ZNF438: variants seen among roughly 807,000 people sequenced by gnomAD.
ZNF438 encodes zinc finger protein 438.
A neutral mutation model predicts 38.0 loss-of-function variants in ZNF438; 25 were observed. The ratio of observed to expected loss-of-function variants is 0.66; its 90% CI spans 0.48 to 0.92. The LOEUF (loss-of-function observed/expected upper bound fraction) is 0.92, where lower values mean the gene tolerates loss of function less well. ZNF438 is among the 40% of genes least tolerant of loss of function. The pLI is 0.00. For synonymous variants in ZNF438, 372 were observed against 364.1 expected (o/e 1.02, Z -0.25); for missense variants, 1,007 against 999.6 (o/e 1.01, Z -0.10).
chr10:30,901,998 A>C (rs544501027), intron 3 of ZNF438, among the ~76,000 whole-genome samples: 3 of 147,860 alleles, frequency 2.0e-5, no homozygotes, highest in African/African-American at 7.4e-5. Context: ...GGCTGGCTTT[A>C]GGAGTGAAGC....
chr10:30,987,111 T>C lies in ZNF438; in HGVS notation c.-192+44722A>G, dbSNP rs372641340. ...AACTGAATCCACAAAAGATGTGACA[T>C]TCTACCAATTAAAATTTACAAACGT... is the stretch of plus-strand genomic sequence containing the variant. On this transcript the variant is annotated intron_variant, in intron 1 of 5. Transcript: ENST00000413025. Among the ~76,000 whole-genome samples the C allele has an allele frequency of 3.1e-4, 47 of 152,178 alleles. 1 individual carries two copies. Among genetic ancestry groups the C allele is most frequent in the African/African-American group, 1.1e-3 (44 of 41,510 alleles).
rs563189482 is a variant in ZNF438, at chr10:31,010,892, G to GAAAAAA, written c.-192+20935_-192+20940dup. Among the ~76,000 whole-genome samples the GAAAAAA allele has an allele frequency of 1.1e-3, 101 of 92,578 alleles. 14 individuals carry two copies. Among genetic ancestry groups the GAAAAAA allele is most frequent in the African/African-American group, 5.1e-3 (95 of 18,702 alleles). 60.7% of individuals were successfully genotyped at this position (92,578 alleles called of 152,430 possible). ...TGGATAACGAAGTGAGACCCTGTTTGAAAAAAAAAAAAAAAAAAAAAAAAA... is the reference window on the plus strand; with the variant it reads ...TGGATAACGAAGTGAGACCCTGTTTGAAAAAAAAAAAAAAAAAAAAAAAAAAAAAAA... On this transcript the variant is annotated intron_variant, in intron 1 of 5. Transcript: ENST00000413025.
At chr10:30,982,777 T>C (rs2052356074) in intron 1 of ZNF438, among the ~76,000 whole-genome samples, 1 of 152,226 alleles carries the variant, frequency 6.6e-6, no homozygotes, top group East Asian at 1.9e-4. Context: ...AGTTTCCTTC[T>C]TATAAGTCTT....
At chr10:30,981,861 G>A (rs2052195434) in intron 1 of ZNF438, among the ~76,000 whole-genome samples, 2 of 149,022 alleles carry the variant, frequency 1.3e-5, no homozygotes, top group African/African-American at 5.0e-5. Context: ...ATGGGTGACA[G>A]AGCGAGACTC....
intron 3 of ZNF438, among the ~76,000 whole-genome samples, chr10:30,892,218 G>A (rs1406700043): frequency 7.3e-6 from 1 of 137,386 alleles, no homozygotes; most frequent in Non-Finnish European, 1.6e-5. Flanking sequence ...ACTGTGGATA[G>A]TACGAAACCC....
intron 2 of ZNF438, among the ~76,000 whole-genome samples, chr10:30,928,259 G>A (rs1441946527): frequency 6.6e-6 from 1 of 152,018 alleles, no homozygotes; most frequent in Admixed American, 6.5e-5. Context: ...ACATTTATTA[G>A]TTACATAGTC....
chr10:30,853,696 G>C (rs1457876252), intron 4 of ZNF438, among the ~76,000 whole-genome samples: 1 of 152,142 alleles, frequency 6.6e-6, no homozygotes. Flanking sequence ...ATTTTCTCTA[G>C]AACATATGCT....
chr10:30,871,571 T>C (rs943928484), intron 4 of ZNF438, among the ~76,000 whole-genome samples: 1 of 152,216 alleles, frequency 6.6e-6, no homozygotes, highest in African/African-American at 2.4e-5. Context: ...GAGTATTAAC[T>C]AGCTCCTCCC....
chr10:30,910,888 CA>C (rs1374027855), intron 2 of ZNF438, among the ~76,000 whole-genome samples: 1 of 151,920 alleles, frequency 6.6e-6, no homozygotes, highest in Non-Finnish European at 1.5e-5. Context: ...ACTAAAATTT[CA>C]TATTTTCTGG....
At position 30,850,019 on chromosome 10, in the gene ZNF438, T is replaced by C. The variant is rs200679470; in HGVS notation, c.386A>G (p.Asn129Ser). 2.5e-6 allele frequency: 4 copies of C among 1,613,988 alleles called. No individual in the cohort carries two copies. In the Middle Eastern group the frequency reaches 4.9e-4, roughly 199 times the overall value. Residue 129 changes from asparagine (N) to serine (S), a missense_variant, in exon 5 of 6, where the codon AAT becomes AGT. Asn to Ser is a conservative substitution (Grantham distance 46, BLOSUM62 1). Coordinates refer to ENST00000413025, the Ensembl canonical transcript of ZNF438. ...GGGTTTCTTTCTTGATGCTTTGCTA[T>C]TTCTAGGGGGTTGATATCTAGGAAT...
intron 1 of ZNF438, among the ~76,000 whole-genome samples, chr10:30,965,985 C>A (rs1407629265): frequency 1.3e-5 from 2 of 150,842 alleles, no homozygotes; most frequent in African/African-American, 2.4e-5. Flanking sequence ...TTACTATTAG[C>A]AATACTGTAA....
rs1297581363 is a variant in ZNF438 at position 30,961,272 on chromosome 10, T to A, written c.-191-19621A>T. Among the ~76,000 whole-genome samples the A allele has an allele frequency of 4.9e-5, 7 of 144,218 alleles. 1 individual carries two copies. Among genetic ancestry groups the A allele is most frequent in the Middle Eastern group, 3.9e-3 (1 of 258 alleles). 94.6% of individuals were successfully genotyped at this position (144,218 alleles called of 152,430 possible). A position where few individuals can be genotyped will look rare whatever the true frequency, so the allele number is the denominator to read the frequency against. Reference sequence around the variant, plus strand: ...AAAAAAATTAAAAAAAAAAATTTTTTAATTTATTATACCTTTTTAAAAAAT... The same window carrying A: ...AAAAAAATTAAAAAAAAAAATTTTTAAATTTATTATACCTTTTTAAAAAAT... On this transcript the variant is annotated intron_variant, in intron 1 of 5. Coordinates refer to ENST00000413025, the Ensembl canonical transcript of ZNF438.
chr10:30,913,586 A>G (rs1203499607), intron 2 of ZNF438, among the ~76,000 whole-genome samples: 1 of 152,052 alleles, frequency 6.6e-6, no homozygotes, highest in African/African-American at 2.4e-5. Context: ...GGTTAGAGAA[A>G]GAGTAAGTGA....
intron 1 of ZNF438, among the ~76,000 whole-genome samples, chr10:31,016,194 T>A (rs955476486): frequency 6.6e-6 from 1 of 152,164 alleles, no homozygotes; most frequent in Non-Finnish European, 1.5e-5. Flanking sequence ...AATATAAATA[T>A]GTAAAGCACA....
intron 1 of ZNF438, among the ~76,000 whole-genome samples, chr10:30,953,980 G>A (rs1307184201): frequency 6.6e-6 from 1 of 151,952 alleles, no homozygotes; most frequent in African/African-American, 2.4e-5. Flanking sequence ...CTTCTCTACT[G>A]AAAATACAAA....
At chr10:30,963,652 T>C (rs949842260) in intron 1 of ZNF438, among the ~76,000 whole-genome samples, 1 of 152,022 alleles carries the variant, frequency 6.6e-6, no homozygotes, top group Non-Finnish European at 1.5e-5. Context: ...GGCGAGTGGA[T>C]CACAAGGTCA....
At chr10:30,849,128 T>A in exon 5 of ZNF438, 1 of 1,613,750 alleles carries the variant, frequency 6.2e-7, no homozygotes, top group Non-Finnish European at 8.5e-7. Flanking sequence ...GGTCCCCAGC[T>A]TTTGGTCTCT....
intron 4 of ZNF438, among the ~76,000 whole-genome samples, chr10:30,859,970 A>G (rs2035306727): frequency 6.6e-6 from 1 of 152,152 alleles, no homozygotes; most frequent in African/African-American, 2.4e-5. Flanking sequence ...TCAGAAGCAA[A>G]AATCTCTCTG....
At position 30,848,903 on chromosome 10, in the gene ZNF438, C is replaced by A. The variant is rs773620748; in HGVS notation, c.1502G>T (p.Gly501Val). ...ACATCTGTGCCAAGGCTTCTTAATG[C>A]CAGAGAATCCATTTCTGAACACGGA... The change falls in exon 5 of 6, where the codon GGC (glycine) becomes GTC (valine). Residue 501 changes from glycine to valine, a missense_variant. Physicochemically the swap from Gly to Val is moderately radical, Grantham distance 109. Transcript: ENST00000413025. 8 of 1,614,036 alleles carry A rather than the reference C, an allele frequency of 5.0e-6. 1 individual carries two copies. In the Admixed American group the frequency reaches 1.3e-4, roughly 27 times the overall value.
Sources: gnomAD v4.1 joint callset for allele counts (sites outside exome capture counted in the v4.1 genomes callset) on GRCh38, gnomAD v4.1.1 for gene constraint, MANE v1.5 for transcripts, NCBI Gene and HGNC (gene_info 2026-07-23, HGNC 2026-07-21) for gene names.